Variants in NLGN1 observed in about 807,000 individuals in gnomAD.
The protein encoded by NLGN1 is neuroligin 1, also known as neuroligin-1.
A neutral mutation model predicts 65.5 loss-of-function variants in NLGN1; 12 were observed. The ratio of observed to expected loss-of-function variants is 0.18; its 90% CI spans 0.12 to 0.30. NLGN1 has a LOEUF of 0.30. Among genes scored for constraint, NLGN1 ranks in the 10% least tolerant of loss-of-function variants. NLGN1 has a pLI of 1.00. For synonymous variants in NLGN1, 350 were observed against 359.5 expected, an observed-to-expected ratio of 0.97 and a Z score of 0.30; for missense variants, 750 against 1,007.1, an observed-to-expected ratio of 0.74 and a Z score of 3.46.
intron 2 of NLGN1, among the ~76,000 whole-genome samples, chr3:173,560,927 A>C (rs2149296812): frequency 6.6e-6 from 1 of 152,338 alleles, no homozygotes; most frequent in South Asian, 2.1e-4. Flanking sequence ...AATGCTTTGA[A>C]GAACAGAAGA....
intron 4 of NLGN1, among the ~76,000 whole-genome samples, chr3:174,048,868 A>G (rs1734198088): frequency 6.6e-6 from 1 of 152,106 alleles, no homozygotes; most frequent in African/African-American, 2.4e-5. Flanking sequence ...GCTAGGTACC[A>G]CAGAATATTT....
intron 4 of NLGN1, among the ~76,000 whole-genome samples, chr3:173,923,196 A>G (rs1742375416): frequency 6.6e-6 from 1 of 152,100 alleles, no homozygotes; most frequent in Non-Finnish European, 1.5e-5. Flanking sequence ...GAGGTGGAAA[A>G]AAGTCAGTTT....
intron 3 of NLGN1, among the ~76,000 whole-genome samples, chr3:173,607,016 CATAA>C (rs1386653113): frequency 1.3e-5 from 2 of 151,684 alleles, no homozygotes; most frequent in African/African-American, 2.4e-5. Context: ...TTCACAAAGT[CATAA>C]ATAAAGATGC....
chr3:173,431,016 T>A (rs959119545), intron 1 of NLGN1, among the ~76,000 whole-genome samples: 1 of 152,246 alleles, frequency 6.6e-6, no homozygotes, highest in African/African-American at 2.4e-5. Flanking sequence ...CATACCTAGC[T>A]AACTTTTAAT....
At chr3:173,492,404 A>G (rs1729328768) in intron 2 of NLGN1, among the ~76,000 whole-genome samples, 3 of 151,844 alleles carry the variant, frequency 2.0e-5, no homozygotes, top group Admixed American at 2.0e-4. Flanking sequence ...GGTTCTAGGC[A>G]TATTAATTGG....
chr3:173,804,452 A>G (rs1033789187), intron 3 of NLGN1, among the ~76,000 whole-genome samples: 1 of 152,136 alleles, frequency 6.6e-6, no homozygotes, highest in African/African-American at 2.4e-5. Context: ...GCTCTAAAAA[A>G]TTAATTATAA....
chr3:174,289,951 ATG>A (rs201220978), downstream of NLGN1, among the ~76,000 whole-genome samples: 12 of 65,918 alleles, frequency 1.8e-4, no homozygotes, highest in Middle Eastern at 0.011. Flanking sequence ...ATGTATATAT[ATG>A]TGTATATATA....
intron 4 of NLGN1, among the ~76,000 whole-genome samples, chr3:173,932,759 C>T (rs1325642360): frequency 6.6e-6 from 1 of 152,020 alleles, no homozygotes. Flanking sequence ...GTGTTCAGCC[C>T]TCTTGAAGGC....
At chr3:174,092,898 C>T (rs994565963) in intron 4 of NLGN1, among the ~76,000 whole-genome samples, 1 of 152,094 alleles carries the variant, frequency 6.6e-6, no homozygotes, top group Non-Finnish European at 1.5e-5. Flanking sequence ...CCCAATGTTT[C>T]ATTCATCAAG....
chr3:174,255,921 AG>A (rs1261843201), intron 4 of NLGN1, among the ~76,000 whole-genome samples: 3 of 152,092 alleles, frequency 2.0e-5, no homozygotes, highest in African/African-American at 7.2e-5. Context: ...GCCCTCCCCA[AG>A]TGTTGAGATT....
intron 4 of NLGN1, among the ~76,000 whole-genome samples, chr3:173,873,584 T>G (rs1194589409): frequency 1.3e-5 from 2 of 152,218 alleles, no homozygotes; most frequent in African/African-American, 4.8e-5. Context: ...TTTATTGTAT[T>G]TCAATGTGGA....
chr3:173,755,783 T>C (rs545407538), intron 3 of NLGN1, among the ~76,000 whole-genome samples: 21 of 152,244 alleles, frequency 1.4e-4, no homozygotes, highest in African/African-American at 4.3e-4. Context: ...TCAAGAACCC[T>C]GATATCAAAG....
intron 4 of NLGN1, among the ~76,000 whole-genome samples, chr3:174,015,467 C>T (rs954992073): frequency 1.5e-4 from 23 of 152,062 alleles, no homozygotes; most frequent in African/African-American, 5.6e-4. Context: ...TCTATATGGA[C>T]ACTAATCCTC....
intron 3 of NLGN1, among the ~76,000 whole-genome samples, chr3:173,614,944 T>C (rs1216660764): frequency 6.6e-6 from 1 of 152,156 alleles, no homozygotes; most frequent in African/African-American, 2.4e-5. Context: ...TTTATAAATT[T>C]GCATTCTGAG....
chr3:173,702,877 G>T (rs1767460423), intron 3 of NLGN1, among the ~76,000 whole-genome samples: 1 of 151,992 alleles, frequency 6.6e-6, no homozygotes, highest in South Asian at 2.1e-4. Flanking sequence ...AATTAAAATG[G>T]TTTTCTTTTT....
intron 2 of NLGN1, among the ~76,000 whole-genome samples, chr3:173,549,995 G>A (rs760983205): frequency 8.6e-5 from 13 of 152,016 alleles, no homozygotes; most frequent in Admixed American, 3.9e-4. Flanking sequence ...AGAAGATGAC[G>A]AGGAGATTAT....
intron 4 of NLGN1, among the ~76,000 whole-genome samples, chr3:174,029,792 A>G (rs191225454): frequency 2.2e-4 from 33 of 152,318 alleles, no homozygotes; most frequent in Admixed American, 2.2e-3. Context: ...AATGAGTCAC[A>G]TGAGATCTGA....
chr3:174,233,026 A>G (rs73882728), intron 4 of NLGN1, among the ~76,000 whole-genome samples: 1 of 152,148 alleles, frequency 6.6e-6, no homozygotes, highest in African/African-American at 2.4e-5. Flanking sequence ...ACCAAAGAAC[A>G]AGGTAGACAA....
At chr3:174,091,270 T>C (rs924481575) in intron 4 of NLGN1, among the ~76,000 whole-genome samples, 7 of 152,250 alleles carry the variant, frequency 4.6e-5, no homozygotes, top group Non-Finnish European at 1.0e-4. Flanking sequence ...CTTTCTCTTA[T>C]AACCATCAGG....
Sources: allele counts gnomAD v4.1 joint callset (sites outside exome capture counted in the v4.1 genomes callset), GRCh38; gene constraint gnomAD v4.1.1; transcripts MANE v1.5; gene names NCBI Gene and HGNC (gene_info 2026-07-23, HGNC 2026-07-21).